MALRD1: variants seen among roughly 807,000 people sequenced by gnomAD.
MALRD1 encodes the protein MAM and LDL receptor class A domain containing 1, also known as MAM and LDL-receptor class A domain-containing protein 1.
MALRD1 carries 247 observed loss-of-function variants against 242.1 expected under a neutral mutation model. That is an observed-to-expected ratio of 1.02 (90% CI 0.92 to 1.13). The LOEUF is 1.13. Ranked by LOEUF, MALRD1 falls within the 50% of genes most tolerant of loss-of-function variation. The pLI, the probability that MALRD1 is intolerant of heterozygous loss-of-function variation, is 0.00. For synonymous variants in MALRD1, 995 were observed against 866.6 expected (o/e 1.15, Z -2.60); for missense variants, 2,989 against 2,533.1 (o/e 1.18, Z -3.86).
intron 28 of MALRD1, among the ~76,000 whole-genome samples, chr10:19,429,167 G>T (rs1834020793): frequency 6.6e-6 from 1 of 152,150 alleles, no homozygotes; most frequent in Admixed American, 6.5e-5. Context: ...ATGTATTACT[G>T]TTATCTTCAC....
chr10:19,193,064 T>C (rs1322406548), intron 14 of MALRD1, among the ~76,000 whole-genome samples: 1 of 152,218 alleles, frequency 6.6e-6, no homozygotes, highest in African/African-American at 2.4e-5. Flanking sequence ...TAGCTTTATA[T>C]TCTTTTCAGT....
At chr10:19,600,814 G>A (rs1303263209) in intron 34 of MALRD1, among the ~76,000 whole-genome samples, 1 of 152,144 alleles carries the variant, frequency 6.6e-6, no homozygotes, top group Non-Finnish European at 1.5e-5. Flanking sequence ...AATGCCCTGT[G>A]TTACTTAGCC....
At chr10:19,396,274 A>G (rs1376776180) in intron 28 of MALRD1, among the ~76,000 whole-genome samples, 1 of 151,376 alleles carries the variant, frequency 6.6e-6, no homozygotes, top group African/African-American at 2.4e-5. Context: ...GTAGCTGGGA[A>G]CACAGGTGCA....
At chr10:19,107,565 CTTT>C (rs201379420) in intron 5 of MALRD1, among the ~76,000 whole-genome samples, 1 of 132,294 alleles carries the variant, frequency 7.6e-6, no homozygotes, top group African/African-American at 2.7e-5. Context: ...ATAATTTGGT[CTTT>C]TTTTTTTTTT....
intron 35 of MALRD1, among the ~76,000 whole-genome samples, chr10:19,609,196 G>T (rs531480193): frequency 6.6e-6 from 1 of 152,160 alleles, no homozygotes; most frequent in South Asian, 2.1e-4. Context: ...CATTTTTGTT[G>T]TCTGTCTCTT....
At chr10:19,537,797 C>T (rs923759378) in intron 32 of MALRD1, among the ~76,000 whole-genome samples, 6 of 152,136 alleles carry the variant, frequency 3.9e-5, no homozygotes, top group African/African-American at 1.4e-4. Flanking sequence ...ATGATCTTGT[C>T]CCTCCTGTAG....
At chr10:19,593,005 T>TA (rs3069581) in intron 33 of MALRD1, among the ~76,000 whole-genome samples, 258 of 144,410 alleles carry the variant, frequency 1.8e-3, no homozygotes, top group African/African-American at 4.5e-3. Context: ...ATAAAATACT[T>TA]AAAAAAAAAA....
At chr10:19,625,335 CTG>C (rs1190917532) in intron 36 of MALRD1, among the ~76,000 whole-genome samples, 1 of 151,944 alleles carries the variant, frequency 6.6e-6, no homozygotes, top group African/African-American at 2.4e-5. Flanking sequence ...TTTTAACACA[CTG>C]TGCAGTTTTG....
At chr10:19,114,906 A>G (rs1468695683) in intron 5 of MALRD1, among the ~76,000 whole-genome samples, 1 of 152,138 alleles carries the variant, frequency 6.6e-6, no homozygotes, top group East Asian at 1.9e-4. Flanking sequence ...GTCATTCTAT[A>G]CCTGACTATG....
intron 33 of MALRD1, among the ~76,000 whole-genome samples, chr10:19,574,674 G>C (rs994948024): frequency 5.3e-5 from 8 of 152,130 alleles, no homozygotes; most frequent in Admixed American, 1.3e-4. Flanking sequence ...AAACTCTCTA[G>C]ACCATGTTAT....
chr10:19,458,346 T>C (rs1412640305), intron 29 of MALRD1, among the ~76,000 whole-genome samples: 1 of 152,206 alleles, frequency 6.6e-6, no homozygotes, highest in Non-Finnish European at 1.5e-5. Flanking sequence ...ATATGTTCTC[T>C]TCCAACTTAC....
intron 18 of MALRD1, among the ~76,000 whole-genome samples, chr10:19,239,257 A>C (rs1261291319): frequency 1.3e-5 from 2 of 151,880 alleles, no homozygotes; most frequent in Non-Finnish European, 2.9e-5. Context: ...AAATGATTTC[A>C]CCATATTGGT....
chr10:19,719,237 T>TACACATACATAC lies in MALRD1; in HGVS notation c.6315-11468_6315-11467insCACATACATACA, dbSNP rs1286755272. On this transcript the variant is annotated intron_variant, in intron 38 of 39. Coordinates refer to ENST00000454679, the MANE Select transcript of MALRD1 (RefSeq NM_001142308.3). ...ACACATACATACATATATATATATA[T>TACACATACATAC]ATATATATATATATATATATATGCT... 9.8e-4 allele frequency among the ~76,000 whole-genome samples: 122 copies of TACACATACATAC among 124,910 alleles called. 5 individuals carry two copies. Among genetic ancestry groups the TACACATACATAC allele is most frequent in the African/African-American group, 2.9e-3 (93 of 31,756 alleles). The allele number at this position is 124,910 out of a possible 152,430, so 81.9% of individuals were successfully genotyped here.
chr10:19,087,167 G>T lies in MALRD1; in HGVS notation c.341-673G>T, dbSNP rs186397601. On this transcript the variant is annotated intron_variant, in intron 2 of 39. Transcript: ENST00000454679. ...GCTGGAACTTAAAATGGTGGTGTTT[G>T]TCCAAGATGATGGTGCTCCTGCTCT... is the stretch of plus-strand genomic sequence containing the variant. 1.6e-4 allele frequency among the ~76,000 whole-genome samples: 25 copies of T among 152,146 alleles called. No homozygotes were observed. The South Asian group carries it at 2.3e-3, about 14-fold the overall frequency.
chr10:19,552,969 GTTTA>G (rs1465100235), intron 32 of MALRD1, among the ~76,000 whole-genome samples: 3 of 151,902 alleles, frequency 2.0e-5, no homozygotes, highest in Admixed American at 2.0e-4. Flanking sequence ...ATATGCAAGT[GTTTA>G]TTTATATAAT....
At chr10:19,587,068 C>T (rs1809174764) in intron 33 of MALRD1, among the ~76,000 whole-genome samples, 1 of 152,246 alleles carries the variant, frequency 6.6e-6, no homozygotes, top group South Asian at 2.1e-4. Context: ...TGAGGCAATG[C>T]CTCGCCCTGC....
intron 31 of MALRD1, among the ~76,000 whole-genome samples, chr10:19,502,666 A>G (rs914006344): frequency 1.3e-5 from 2 of 152,202 alleles, no homozygotes; most frequent in Non-Finnish European, 1.5e-5. Context: ...TATTCTGCTA[A>G]GATCTGGACA....
intron 19 of MALRD1, among the ~76,000 whole-genome samples, chr10:19,261,703 T>C (rs888203991): frequency 2.6e-5 from 4 of 151,894 alleles, no homozygotes; most frequent in Non-Finnish European, 4.4e-5. Flanking sequence ...CTATCTTACC[T>C]ACAACTTTTA....
intron 32 of MALRD1, among the ~76,000 whole-genome samples, chr10:19,547,601 T>A (rs1236742280): frequency 6.6e-6 from 1 of 151,216 alleles, no homozygotes; most frequent in Non-Finnish European, 1.5e-5. Flanking sequence ...CTTATCCTTC[T>A]ATATTAGCTC....
Sources: gnomAD v4.1 joint callset for allele counts (sites outside exome capture counted in the v4.1 genomes callset) on GRCh38, gnomAD v4.1.1 for gene constraint, MANE v1.5 for transcripts, NCBI Gene and HGNC (gene_info 2026-07-23, HGNC 2026-07-21) for gene names.